Variants in SPOPL observed in about 807,000 individuals in gnomAD.
The protein encoded by SPOPL is speckle-type POZ protein-like.
Under a neutral mutation model 53.8 loss-of-function variants are expected in SPOPL, and 23 were observed. That is an observed-to-expected ratio of 0.43 (90% confidence interval 0.31 to 0.61). The LOEUF is 0.61. SPOPL is among the 20% of genes least tolerant of loss of function. The probability of loss-of-function intolerance (pLI) is 0.12; values close to 1 mark genes in which losing one functional copy is unlikely to be tolerated. For synonymous variants in SPOPL, 164 were observed against 149.7 expected (o/e 1.10, Z -0.70); for missense variants, 442 against 466.9 (o/e 0.95, Z 0.49).
rs770111475 is a variant in SPOPL, at chr2:138,550,505, A to G, written c.101A>G (p.Tyr34Cys). Residue 34 changes from tyrosine to cysteine, a missense_variant, in exon 3 of 11, where the codon TAT (tyrosine) becomes TGT (cysteine). Transcript: ENST00000280098. The stretch of plus-strand genomic sequence containing the variant: ...TAGGTTAAAGTAGTAAAATTTTCCT[A>G]TATGTGGACCATTAATAACTTCAGT... ...YTQVKVVKFS[Y>C]MWTINNFSFC... is the part of the protein sequence containing the mutation. 4.3e-6 allele frequency: 7 copies of G among 1,610,156 alleles called. No individual in the cohort carries two copies. The highest frequency in any genetic ancestry group is 3.3e-5 in the South Asian group (3 of 90,762).
At chr2:138,517,947 C>T (rs916203666) in intron 1 of SPOPL, among the ~76,000 whole-genome samples, 17 of 149,610 alleles carry the variant, frequency 1.1e-4, no homozygotes, top group African/African-American at 2.5e-4. Flanking sequence ...ACTTGCAGGG[C>T]TGAGGCAGGA....
intron 1 of SPOPL, among the ~76,000 whole-genome samples, chr2:138,502,960 T>C (rs1684138449): frequency 6.6e-6 from 1 of 152,238 alleles, no homozygotes; most frequent in East Asian, 1.9e-4. Context: ...TCAGTGATTC[T>C]TTCCAGGCTT....
chr2:138,567,445 G>A (rs1685688711), intron 10 of SPOPL, among the ~76,000 whole-genome samples: 1 of 148,356 alleles, frequency 6.7e-6, no homozygotes, highest in Non-Finnish European at 1.5e-5. Flanking sequence ...TGCGGGCGGG[G>A]AGGTAGTTAA....
intron 5 of SPOPL, among the ~76,000 whole-genome samples, chr2:138,555,603 T>C (rs1469497187): frequency 6.6e-6 from 1 of 152,214 alleles, no homozygotes; most frequent in Non-Finnish European, 1.5e-5. Context: ...TTGATTAAAA[T>C]GGCAAAATTG....
intron 5 of SPOPL, chr2:138,554,376 TA>T (rs1685377783): frequency 8.1e-6 from 8 of 988,534 alleles, no homozygotes; most frequent in South Asian, 2.1e-5. Context: ...TACTTTTAAC[TA>T]ACATTCTTCA....
At chr2:138,562,497 A>C (rs1685570637) in intron 8 of SPOPL, among the ~76,000 whole-genome samples, 1 of 152,182 alleles carries the variant, frequency 6.6e-6, no homozygotes, top group South Asian at 2.1e-4. Context: ...TATACAAAGT[A>C]AGGCAGGCCT....
intron 1 of SPOPL, among the ~76,000 whole-genome samples, chr2:138,517,738 C>CA (rs1368460433): frequency 0.011 from 1,147 of 103,730 alleles, 9 homozygotes; most frequent in African/African-American, 0.031. Context: ...GACTCCGTCT[C>CA]AAAAAAAAAA....
chr2:138,551,174 CTT>C (rs1685306953), intron 4 of SPOPL, 120 bp downstream of exon 4: 1 of 1,110,088 alleles, frequency 9.0e-7, no homozygotes, highest in Admixed American at 2.8e-5. Context: ...TAACCTGAAA[CTT>C]TTAATTTGAC....
At position 138,554,323 on chromosome 2, in the gene SPOPL, A is replaced by G. The variant is rs184075045; in HGVS notation, c.480+1642A>G. On this transcript the variant is annotated intron_variant, in intron 5 of 10. Coordinates refer to ENST00000280098, the MANE Select transcript of SPOPL (RefSeq NM_001001664.3). The stretch of plus-strand genomic sequence containing the variant: ...TATACATCTTTTTGCTGATATAGGT[A>G]TTTATACCCTGGGCACCGTATTTAG... 185 of 323,264 alleles carry G rather than the reference A, an allele frequency of 5.7e-4. 2 individuals are homozygous for G. The highest frequency in any genetic ancestry group is 4.1e-3 in the South Asian group (62 of 14,994). The allele number at this position is 323,264 out of a possible 1,614,324, so 20.0% of individuals were successfully genotyped here. A position where few individuals can be genotyped will look rare whatever the true frequency, so the allele number is the denominator to read the frequency against.
At chr2:138,548,884 T>G (rs1685253123) in intron 1 of SPOPL, among the ~76,000 whole-genome samples, 1 of 152,154 alleles carries the variant, frequency 6.6e-6, no homozygotes, top group Non-Finnish European at 1.5e-5. Context: ...ATTTATTTAA[T>G]TAACTATGAA....
intron 8 of SPOPL, among the ~76,000 whole-genome samples, chr2:138,563,036 A>G (rs1030702813): frequency 6.6e-6 from 1 of 152,220 alleles, no homozygotes; most frequent in Non-Finnish European, 1.5e-5. Flanking sequence ...GCAGATATCT[A>G]ATGAACAACT....
chr2:138,518,667 T>C (rs1158739387), intron 1 of SPOPL, among the ~76,000 whole-genome samples: 1 of 152,224 alleles, frequency 6.6e-6, no homozygotes, highest in African/African-American at 2.4e-5. Context: ...ACGGACATGT[T>C]AGACATCAAT....
chr2:138,547,090 G>C (rs545287073), intron 1 of SPOPL, among the ~76,000 whole-genome samples: 1 of 151,834 alleles, frequency 6.6e-6, no homozygotes. Context: ...CTCAGCCTCC[G>C]GAGTAGCTGG....
At chr2:138,531,126 C>T (rs931961444) in intron 1 of SPOPL, among the ~76,000 whole-genome samples, 10 of 151,656 alleles carry the variant, frequency 6.6e-5, no homozygotes, top group East Asian at 3.9e-4. Context: ...TCTAGTCTAA[C>T]GGAGTATTTG....
Position 138,568,965 on chromosome 2 carries a change from G to T in SPOPL, c.1064G>T (p.Gly355Val). 6.2e-7 allele frequency: 1 copy of T among 1,613,898 alleles called. No homozygotes were observed. Among genetic ancestry groups the T allele is most frequent in the Middle Eastern group, 1.7e-4 (1 of 6,060 alleles). The part of the protein sequence containing the change: ...NQATDIMETS[G>V]WKSMIQSHPH... ...GCAACCGACATAATGGAAACATCAG[G>T]GTGGAAGTCCATGATTCAGTCTCAC... is the stretch of plus-strand genomic sequence containing the variant. Residue 355 changes from glycine to valine, a missense_variant, in exon 11 of 11, where the codon GGG (glycine) becomes GTG (valine). Transcript: ENST00000280098.
chr2:138,520,644 G>T (rs186646461), intron 1 of SPOPL, among the ~76,000 whole-genome samples: 172 of 152,264 alleles, frequency 1.1e-3, no homozygotes, highest in African/African-American at 4.0e-3. Flanking sequence ...CTACATTAGT[G>T]TAGGTTCCCC....
intron 1 of SPOPL, among the ~76,000 whole-genome samples, chr2:138,518,450 A>T (rs1293915904): frequency 6.6e-6 from 1 of 152,220 alleles, no homozygotes; most frequent in Non-Finnish European, 1.5e-5. Flanking sequence ...TCTGAAAATG[A>T]GAAAATTAAG....
intron 1 of SPOPL, among the ~76,000 whole-genome samples, chr2:138,542,390 A>G (rs892060074): frequency 1.3e-5 from 2 of 152,128 alleles, no homozygotes; most frequent in African/African-American, 4.8e-5. Flanking sequence ...GTAGGTCTGT[A>G]AGGACTTGCT....
chr2:138,502,256 T>C (rs2104848485), intron 1 of SPOPL, 137 bp downstream of exon 1: 1 of 152,482 alleles, frequency 6.6e-6, no homozygotes, highest in African/African-American at 2.4e-5. Flanking sequence ...GGACCCCTGC[T>C]CGGGCGGCGA....
Sources: allele counts gnomAD v4.1 joint callset (sites outside exome capture counted in the v4.1 genomes callset), GRCh38; gene constraint gnomAD v4.1.1; transcripts MANE v1.5; gene names NCBI Gene and HGNC (gene_info 2026-07-23, HGNC 2026-07-21).